The following ZNF334 variants were observed in gnomAD, a reference collection of about 807,000 sequenced individuals.
ZNF334 encodes zinc finger protein 334.
In ZNF334, 14 loss-of-function variants were observed where a neutral mutation model predicts 12.4. The ratio of observed to expected loss-of-function variants is 1.13; its 90% confidence interval spans 0.74 to 1.76. ZNF334 has a LOEUF of 1.76. Among genes scored for constraint, ZNF334 ranks in the 40% most tolerant of loss-of-function variants. The probability of loss-of-function intolerance (pLI) is 0.00; values close to 1 mark genes in which losing one functional copy is unlikely to be tolerated. For missense variants in ZNF334, 797 were observed against 804.5 expected (o/e 0.99, Z 0.11); for synonymous variants, 273 against 269.6 (o/e 1.01, Z -0.12).
At chr20:46,510,856 G>C (rs542354070) in intron 2 of ZNF334, among the ~76,000 whole-genome samples, 1 of 151,832 alleles carries the variant, frequency 6.6e-6, no homozygotes, top group East Asian at 1.9e-4. Context: ...GCAGCACATT[G>C]AGCAAGTTGT....
At chr20:46,503,125 ATT>A in intron 4 of ZNF334, 28 bp from the exon 5 acceptor site, 1 of 1,557,220 alleles carries the variant, frequency 6.4e-7, no homozygotes, top group Non-Finnish European at 8.7e-7. Context: ...ATTAACGGTA[ATT>A]GGTGAGCCTT....
At chr20:46,471,121 T>C in the ZNF334 span, among the ~76,000 whole-genome samples, 1 of 152,362 alleles carries the variant, frequency 6.6e-6, no homozygotes, top group East Asian at 1.9e-4. Flanking sequence ...AAACTTGGTA[T>C]TGTCAATCAT....
At chr20:46,493,996 T>C in the ZNF334 span, among the ~76,000 whole-genome samples, 3 of 152,200 alleles carry the variant, frequency 2.0e-5, no homozygotes, top group Admixed American at 6.5e-5. Flanking sequence ...CATTCTTATA[T>C]GTTTCTAGAG....
At position 46,512,135 on chromosome 20, in the gene ZNF334, G is replaced by GC. The variant is rs753745788; in HGVS notation, c.-34dup. ...TGAGAAAGGGCCAAGAGTGTTGAAAGCAGAGCTGGGTAAGGAAGAATGGCG... is the reference window on the plus strand; with the variant it reads ...TGAGAAAGGGCCAAGAGTGTTGAAAGCCAGAGCTGGGTAAGGAAGAATGGCG... On this transcript the variant is annotated 5_prime_UTR_variant, in exon 2 of 5. Transcript: ENST00000692313. 71 of 1,613,250 alleles carry GC rather than the reference G, an allele frequency of 4.4e-5. 1 individual carries two copies. In the East Asian group the frequency reaches 1.1e-3, roughly 25 times the overall value.
chr20:46,488,883 ATGTCATCTT>A, the ZNF334 span, among the ~76,000 whole-genome samples: 1 of 148,340 alleles, frequency 6.7e-6, no homozygotes, highest in African/African-American at 2.5e-5. Flanking sequence ...GAGAAATCTG[ATGTCATCTT>A]TGTCTCTGTG....
At chr20:46,488,804 G>GGTTTTT in the ZNF334 span, among the ~76,000 whole-genome samples, 2 of 104,124 alleles carry the variant, frequency 1.9e-5, no homozygotes, top group Non-Finnish European at 2.0e-5. Flanking sequence ...CTAGTTAATA[G>GGTTTTT]TTTTTTTTTT....
In ZNF334 at chr20:46,502,872, T is replaced by C. The variant is rs771275073; in HGVS notation, c.467A>G (p.Lys156Arg). 6.2e-7 allele frequency: 1 copy of C among 1,613,684 alleles called. No homozygotes were observed. Among genetic ancestry groups the C allele is most frequent in the Non-Finnish European group, 8.5e-7 (1 of 1,179,896 alleles). ...NSEVIVAKKS[K>R]ENRKIPDGYS... Reference sequence around the variant, plus strand: ...TCCATCAGGAATCTTTCTGTTTTCTTTGCTTTTCTTTGCAACAATTACTTC... The same window carrying C: ...TCCATCAGGAATCTTTCTGTTTTCTCTGCTTTTCTTTGCAACAATTACTTC... The change falls in exon 5 of 5, where the codon AAA becomes AGA. Residue 156 changes from lysine (K) to arginine (R), a missense_variant. Physicochemically the swap from Lys to Arg is conservative, Grantham distance 26. Transcript: ENST00000692313.
downstream of ZNF334, among the ~76,000 whole-genome samples, chr20:46,495,485 A>G (rs2061006709): frequency 1.3e-5 from 2 of 152,072 alleles, no homozygotes; most frequent in African/African-American, 2.4e-5. Flanking sequence ...ATAGAATGCA[A>G]AATTGGAGTC....
chr20:46,497,142 C>A (rs981878547), downstream of ZNF334, among the ~76,000 whole-genome samples: 5 of 152,136 alleles, frequency 3.3e-5, no homozygotes, highest in African/African-American at 1.2e-4. Context: ...GCTCTAGCTG[C>A]GGAAGAGGGC....
Position 46,500,348 on chromosome 20 carries a change from T to C in ZNF334, c.*948A>G, listed in dbSNP as rs2061112453. 6.6e-6 allele frequency: 1 copy of C among 152,228 alleles called. No homozygotes were observed. Among genetic ancestry groups the C allele is most frequent in the Admixed American group, 6.5e-5 (1 of 15,274 alleles). 9.4% of individuals were successfully genotyped at this position (152,228 alleles called of 1,614,324 possible). A position where few individuals can be genotyped will look rare whatever the true frequency, so the allele number is the denominator to read the frequency against. ...TACCTCATCATATATATCCATATAATGTAATCCTAATCAGCATCCCAGGCG... is the reference window on the plus strand; with the variant it reads ...TACCTCATCATATATATCCATATAACGTAATCCTAATCAGCATCCCAGGCG... On this transcript the variant is annotated 3_prime_UTR_variant, in exon 5 of 5. Coordinates refer to ENST00000692313, the MANE Select transcript of ZNF334 (RefSeq NM_001353824.2).
chr20:46,477,175 A>G, the ZNF334 span: 1 of 152,220 alleles, frequency 6.6e-6, no homozygotes. Flanking sequence ...TAACACAAAG[A>G]TAATTGCACA....
chr20:46,487,215 A>G, the ZNF334 span, among the ~76,000 whole-genome samples: 1 of 152,232 alleles, frequency 6.6e-6, no homozygotes, highest in East Asian at 1.9e-4. Context: ...ACATTCTCCT[A>G]TCAGCATTAC....
Position 46,501,086 on chromosome 20 carries a change from A to G in ZNF334, c.*210T>C, listed in dbSNP as rs535267653. 5.5e-6 allele frequency: 3 copies of G among 545,104 alleles called. No individual in the cohort carries two copies. Among genetic ancestry groups the G allele is most frequent in the Admixed American group, 7.2e-5 (2 of 27,970 alleles). 33.8% of individuals were successfully genotyped at this position (545,104 alleles called of 1,614,324 possible). A position where few individuals can be genotyped will look rare whatever the true frequency, so the allele number is the denominator to read the frequency against. On this transcript the variant is annotated 3_prime_UTR_variant, in exon 5 of 5. Coordinates refer to ENST00000692313, the MANE Select transcript of ZNF334 (RefSeq NM_001353824.2). ...CTTTGAATTGCTGTTGAATATTTTC[A>G]TAGTTCACAATGAATAATACATTTA...
chr20:46,488,170 A>G, the ZNF334 span, among the ~76,000 whole-genome samples: 2 of 150,200 alleles, frequency 1.3e-5, no homozygotes, highest in African/African-American at 4.9e-5. Context: ...ATAGATTTCT[A>G]TTTGTCATAT....
chr20:46,479,627 G>A, the ZNF334 span, among the ~76,000 whole-genome samples: 19 of 152,144 alleles, frequency 1.2e-4, no homozygotes, highest in Admixed American at 9.8e-4. Flanking sequence ...ACATTTCTCT[G>A]ACACTTTGAA....
the ZNF334 span, among the ~76,000 whole-genome samples, chr20:46,480,188 G>GT: frequency 2.6e-5 from 4 of 152,108 alleles, no homozygotes; most frequent in African/African-American, 7.2e-5. Flanking sequence ...CAGAGTTTGG[G>GT]TTTTTTGTTC....
the ZNF334 span, chr20:46,481,143 T>C: frequency 6.6e-6 from 1 of 152,222 alleles, no homozygotes; most frequent in South Asian, 2.1e-4. Context: ...AAAAGGAAAA[T>C]GGCTCGGTCA....
intron 2 of ZNF334, chr20:46,506,259 T>C (rs1313939404): frequency 1.9e-6 from 1 of 513,512 alleles, no homozygotes; most frequent in Non-Finnish European, 3.5e-6. Flanking sequence ...CATGAACTGA[T>C]ATGAAGTGAA....
At chr20:46,480,504 A>C in the ZNF334 span, among the ~76,000 whole-genome samples, 1 of 152,104 alleles carries the variant, frequency 6.6e-6, no homozygotes, top group Admixed American at 6.5e-5. Context: ...ATTGAAGTGG[A>C]AAGAGTGGCA....
Sources: gnomAD v4.1 joint callset for allele counts (sites outside exome capture counted in the v4.1 genomes callset) on GRCh38, gnomAD v4.1.1 for gene constraint, MANE v1.5 for transcripts, NCBI Gene and HGNC (gene_info 2026-07-23, HGNC 2026-07-21) for gene names.